MRPS9: variants seen among roughly 807,000 people sequenced by gnomAD.
The protein encoded by MRPS9 is mitochondrial ribosomal protein S9.
Under a neutral mutation model 59.9 loss-of-function variants are expected in MRPS9, and 45 were observed. The observed-to-expected ratio is 0.75, with a 90% confidence interval of 0.59 to 0.96. The LOEUF (loss-of-function observed/expected upper bound fraction) is 0.96. Among genes scored for constraint, MRPS9 ranks in the 40% least tolerant of loss-of-function variants. MRPS9 has a pLI of 0.00. For synonymous variants in MRPS9, 171 were observed against 166.8 expected, an observed-to-expected ratio of 1.03 and a Z score of -0.19; for missense variants, 473 against 481.1, an observed-to-expected ratio of 0.98 and a Z score of 0.16.
intron 1 of MRPS9, among the ~76,000 whole-genome samples, chr2:105,045,318 CA>C (rs1261982182): frequency 2.7e-4 from 29 of 106,744 alleles, no homozygotes; most frequent in Admixed American, 2.8e-4. Flanking sequence ...GCTCAAAAGC[CA>C]AAAAAAAAAG....
chr2:105,081,273 G>A (rs369069872), intron 5 of MRPS9, among the ~76,000 whole-genome samples: 4 of 152,346 alleles, frequency 2.6e-5, no homozygotes, highest in African/African-American at 9.6e-5. Flanking sequence ...TTTAGCTGTC[G>A]GAGGGGATGA....
At chr2:105,053,056 G>A (rs1050578752) in intron 2 of MRPS9, among the ~76,000 whole-genome samples, 4 of 152,040 alleles carry the variant, frequency 2.6e-5, no homozygotes, top group African/African-American at 7.3e-5. Context: ...GAGCCACCAC[G>A]CCCAGCCCCA....
At chr2:105,039,997 C>A (rs967267819) in intron 1 of MRPS9, among the ~76,000 whole-genome samples, 1 of 152,198 alleles carries the variant, frequency 6.6e-6, no homozygotes, top group Non-Finnish European at 1.5e-5. Flanking sequence ...ACCCTTAGCA[C>A]TCTTAAGGGA....
chr2:105,092,129 C>T (rs767752583), intron 7 of MRPS9: 81 of 303,952 alleles, frequency 2.7e-4, no homozygotes, highest in Non-Finnish European at 4.3e-4. Flanking sequence ...GAATTTAAAT[C>T]TCAATTTCAT....
At chr2:105,097,446 C>A in intron 10 of MRPS9, 122 bp downstream of exon 10, 1 of 900,216 alleles carries the variant, frequency 1.1e-6, no homozygotes, top group Non-Finnish European at 1.5e-6. Flanking sequence ...TATTTCACTT[C>A]GCTGTCTTCT....
At chr2:105,086,059 A>G (rs1014722411) in intron 5 of MRPS9, among the ~76,000 whole-genome samples, 1 of 152,170 alleles carries the variant, frequency 6.6e-6, no homozygotes, top group African/African-American at 2.4e-5. Context: ...TTATTATGCA[A>G]AAGAGAAAGA....
chr2:105,047,848 A>G (rs1401784469), intron 1 of MRPS9, among the ~76,000 whole-genome samples: 1 of 152,000 alleles, frequency 6.6e-6, no homozygotes, highest in African/African-American at 2.4e-5. Context: ...GTGTGATATA[A>G]TTACTGATGC....
At chr2:105,052,334 G>A (rs917381811) in intron 2 of MRPS9, among the ~76,000 whole-genome samples, 5 of 152,044 alleles carry the variant, frequency 3.3e-5, no homozygotes, top group Non-Finnish European at 5.9e-5. Flanking sequence ...TGTGGTTAGT[G>A]TTTTTGTCAC....
chr2:105,088,109 C>CAA (rs374505636), intron 5 of MRPS9, among the ~76,000 whole-genome samples: 15 of 88,308 alleles, frequency 1.7e-4, no homozygotes, highest in Admixed American at 4.9e-4. Context: ...TCATGATTAG[C>CAA]AAAAAAAAAA....
chr2:105,078,340 G>GTGTGTGTA (rs903146564), intron 4 of MRPS9, among the ~76,000 whole-genome samples: 2 of 149,842 alleles, frequency 1.3e-5, no homozygotes, highest in African/African-American at 4.9e-5. Context: ...GTGTGTGTGT[G>GTGTGTGTA]TATACATTCA....
chr2:105,067,475 A>G (rs1400256616), intron 2 of MRPS9, among the ~76,000 whole-genome samples: 1 of 152,170 alleles, frequency 6.6e-6, no homozygotes, highest in African/African-American at 2.4e-5. Context: ...GGTTACAGTG[A>G]TGACCACTAG....
At position 105,093,614 on chromosome 2, in the gene MRPS9, T is replaced by C; in HGVS notation, c.905T>C (p.Leu302Pro). The change falls in exon 9 of 11, where the codon CTT becomes CCT. Residue 302 changes from leucine to proline, a missense_variant. By Grantham distance (98) the Leu-to-Pro change is moderately conservative (BLOSUM62 -3). Coordinates refer to ENST00000258455, the MANE Select transcript of MRPS9 (RefSeq NM_182640.3). Reference sequence around the variant, plus strand: ...AAAGTAAATGGAATTGATTACCAGCTTTACTTCCCGATCACACAGGACAGG... The same window carrying C: ...AAAGTAAATGGAATTGATTACCAGCCTTACTTCCCGATCACACAGGACAGG... ...RIKVNGIDYQ[L>P]YFPITQDREQ... The C allele has an allele frequency of 6.2e-7, 1 of 1,605,358 alleles. No individual in the cohort carries two copies. Among genetic ancestry groups the C allele is most frequent in the South Asian group, 1.1e-5 (1 of 89,254 alleles).
At chr2:105,045,996 C>T (rs1679585310) in intron 1 of MRPS9, among the ~76,000 whole-genome samples, 1 of 152,058 alleles carries the variant, frequency 6.6e-6, no homozygotes, top group South Asian at 2.1e-4. Context: ...TCCTGAATGA[C>T]TGGTATTACA....
chr2:105,057,592 TGCA>T (rs1377049192), intron 2 of MRPS9, among the ~76,000 whole-genome samples: 2 of 152,122 alleles, frequency 1.3e-5, no homozygotes, highest in Non-Finnish European at 2.9e-5. Flanking sequence ...AGGTGAGGAG[TGCA>T]GCAAGTGCCA....
intron 2 of MRPS9, among the ~76,000 whole-genome samples, chr2:105,065,463 T>C (rs1679983064): frequency 1.3e-5 from 2 of 152,234 alleles, no homozygotes; most frequent in Non-Finnish European, 2.9e-5. Flanking sequence ...TATTTTTGTA[T>C]AGTTAATTAA....
chr2:105,083,423 C>A (rs10165497), intron 5 of MRPS9, among the ~76,000 whole-genome samples: 2 of 152,086 alleles, frequency 1.3e-5, no homozygotes, highest in African/African-American at 4.8e-5. Context: ...GCAAAGGGAA[C>A]GGTGGGCCGC....
At chr2:105,074,168 A>T (rs191947398) in intron 4 of MRPS9, among the ~76,000 whole-genome samples, 1 of 152,336 alleles carries the variant, frequency 6.6e-6, no homozygotes, top group Admixed American at 6.5e-5. Context: ...TGTATTATAC[A>T]GAGACAAGCA....
At chr2:105,085,560 G>A (rs1680430125) in intron 5 of MRPS9, among the ~76,000 whole-genome samples, 1 of 152,096 alleles carries the variant, frequency 6.6e-6, no homozygotes, top group Admixed American at 6.5e-5. Flanking sequence ...AAAAATCATA[G>A]TGCTCATACT....
chr2:105,082,322 C>T (rs1680363315), intron 5 of MRPS9, among the ~76,000 whole-genome samples: 1 of 152,104 alleles, frequency 6.6e-6, no homozygotes, highest in South Asian at 2.1e-4. Flanking sequence ...TGTAATTGTA[C>T]GAGGCCCAGA....
Sources: gnomAD v4.1 joint callset for allele counts (sites outside exome capture counted in the v4.1 genomes callset) on GRCh38, gnomAD v4.1.1 for gene constraint, MANE v1.5 for transcripts, NCBI Gene and HGNC (gene_info 2026-07-23, HGNC 2026-07-21) for gene names.